Variants in BTAF1 observed in about 807,000 individuals in gnomAD.
BTAF1 encodes the protein TATA-binding protein-associated factor 172.
A neutral mutation model predicts 227.1 loss-of-function variants in BTAF1; 38 were observed. That is an observed-to-expected ratio of 0.17 (90% CI 0.13 to 0.22). The LOEUF is 0.22. Among genes scored for constraint, BTAF1 ranks in the 10% least tolerant of loss-of-function variants. The pLI is 1.00. For synonymous variants in BTAF1, 742 were observed against 751.9 expected, an observed-to-expected ratio of 0.99 and a Z score of 0.21; for missense variants, 1,598 against 2,204.0, an observed-to-expected ratio of 0.73 and a Z score of 5.51.
chr10:91,951,704 C>G (rs1461833160), intron 5 of BTAF1, 138 bp downstream of exon 5: 1 of 880,204 alleles, frequency 1.1e-6, no homozygotes, highest in Non-Finnish European at 1.6e-6. Flanking sequence ...AATTTAGCAT[C>G]TTTTTTTAAC....
intron 19 of BTAF1, among the ~76,000 whole-genome samples, chr10:91,985,266 T>G (rs887333117): frequency 7.9e-5 from 12 of 151,806 alleles, no homozygotes; most frequent in Non-Finnish European, 1.3e-4. Flanking sequence ...GGATTTTTCT[T>G]AGAATGGTAT....
rs537911818 is a variant in BTAF1 at position 91,994,467 on chromosome 10, A to T, written c.3200-68A>T. 2.0e-4 allele frequency: 238 copies of T among 1,218,114 alleles called. 2 individuals carry two copies. Among genetic ancestry groups the T allele is most frequent in the Middle Eastern group, 1.3e-3 (7 of 5,210 alleles). The allele number at this position is 1,218,114 out of a possible 1,614,324, so 75.5% of individuals were successfully genotyped here. A position where few individuals can be genotyped will look rare whatever the true frequency, so the allele number is the denominator to read the frequency against. On this transcript the variant is annotated intron_variant, in intron 22 of 37. Transcript: ENST00000265990. The stretch of plus-strand genomic sequence containing the variant: ...TCCTATGCTAGCTGAAAAAGTGCTA[A>T]AAGTTTTTGTGTGCTCTAGATTTTG...
rs2134201305 is a variant in BTAF1 at position 92,029,792 on chromosome 10, G to A, written c.*859G>A. On this transcript the variant is annotated 3_prime_UTR_variant, in exon 38 of 38. Transcript: ENST00000265990. ...TGGAAAGACTGTTTATTGTAGTAATGCATGGCTGAAGCATAAAAGGGAGAG... is the reference window on the plus strand; with the variant it reads ...TGGAAAGACTGTTTATTGTAGTAATACATGGCTGAAGCATAAAAGGGAGAG... 1 of 152,430 alleles carries A rather than the reference G, an allele frequency of 6.6e-6. No homozygotes were observed. The highest frequency in any genetic ancestry group is 2.1e-4 in the South Asian group (1 of 4,818). The allele number at this position is 152,430 out of a possible 1,614,324, so 9.4% of individuals were successfully genotyped here. A position where few individuals can be genotyped will look rare whatever the true frequency, so the allele number is the denominator to read the frequency against.
chr10:91,932,165 G>T (rs1258421044), intron 1 of BTAF1, among the ~76,000 whole-genome samples: 1 of 152,192 alleles, frequency 6.6e-6, no homozygotes, highest in African/African-American at 2.4e-5. Context: ...GGAGTTCTAA[G>T]TGAAGCTGGG....
intron 25 of BTAF1, among the ~76,000 whole-genome samples, chr10:92,006,264 A>G (rs1171902079): frequency 2.6e-5 from 4 of 152,344 alleles, no homozygotes; most frequent in Admixed American, 6.5e-5. Flanking sequence ...AAAGGGAGCA[A>G]TATTTTGACA....
chr10:92,026,536 G>A, intron 35 of BTAF1, 56 bp from the exon 36 acceptor site: 2 of 1,376,556 alleles, frequency 1.5e-6, no homozygotes, highest in East Asian at 2.4e-5. Flanking sequence ...TTTATTAACA[G>A]TTTCTGTTAT....
chr10:91,945,547 T>C (rs890775587), intron 4 of BTAF1, among the ~76,000 whole-genome samples: 5 of 152,340 alleles, frequency 3.3e-5, no homozygotes, highest in African/African-American at 1.2e-4. Context: ...AGTGTTTGTC[T>C]TCTTGTGATG....
Position 91,966,769 on chromosome 10 carries a change from T to TA in BTAF1, c.1650+14dup, listed in dbSNP as rs770467665. On this transcript the variant is annotated intron_variant, in intron 14 of 37. Transcript: ENST00000265990. Reference sequence around the variant, plus strand: ...CAACACAGGACCAGGTAAGAACTGATAACTATAGCAGTCTTGAAACTTATA... The same window carrying TA: ...CAACACAGGACCAGGTAAGAACTGATAAACTATAGCAGTCTTGAAACTTATA... 284 of 1,611,544 alleles carry TA rather than the reference T, an allele frequency of 1.8e-4. 1 individual carries two copies. The highest frequency in any genetic ancestry group is 2.0e-4 in the Non-Finnish European group (231 of 1,178,794).
At position 91,951,510 on chromosome 10, in the gene BTAF1, A is replaced by G. The variant is rs1382415512; in HGVS notation, c.508A>G (p.Asn170Asp). The change falls in exon 5 of 38, where the codon AAT (asparagine) becomes GAT (aspartate). Residue 170 changes from asparagine to aspartate, a missense_variant. Physicochemically the swap from Asn to Asp is conservative, Grantham distance 23 (BLOSUM62 1). Around this residue, in one of 10 missense-constraint regions of BTAF1, gnomAD observed 298 missense variants for 395.2 expected, o/e 0.75. Transcript: ENST00000265990. ...AIGMSTEELF[N>D]DEDLDYTPTS... ...TGGAATGAGTACTGAAGAACTTTTC[A>G]ATGATGAGGATTTGGATTATACCCC... 1 of 1,611,568 alleles carries G rather than the reference A, an allele frequency of 6.2e-7. No individual in the cohort carries two copies. The highest frequency in any genetic ancestry group is 8.5e-7 in the Non-Finnish European group (1 of 1,179,150).
At chr10:91,991,797 GTATA>G (rs1166615338) in intron 20 of BTAF1, among the ~76,000 whole-genome samples, 14 of 10,008 alleles carry the variant, frequency 1.4e-3, no homozygotes, top group African/African-American at 2.6e-3. Context: ...GTGTGTGTGT[GTATA>G]TATATATATA....
intron 1 of BTAF1, among the ~76,000 whole-genome samples, chr10:91,931,580 C>G (rs1589737939): frequency 6.6e-6 from 1 of 152,190 alleles, no homozygotes; most frequent in Admixed American, 6.5e-5. Context: ...TTCTGACCAT[C>G]TAGCTTCCTT....
At position 92,026,675 on chromosome 10, in the gene BTAF1, C is replaced by T; in HGVS notation, c.5159C>T (p.Thr1720Ile). The T allele has an allele frequency of 6.2e-7, 1 of 1,613,964 alleles. No individual in the cohort carries two copies. ...GGACTTAATTTGACAGGCGCTGACA[C>T]AGTAGTATTTGTGGAGCATGACTGG... ...GLGLNLTGAD[T>I]VVFVEHDWNP... The change falls in exon 36 of 38, where the codon ACA becomes ATA. Residue 1720 changes from threonine (T) to isoleucine (I), a missense_variant. Transcript: ENST00000265990.
intron 22 of BTAF1, 123 bp downstream of exon 22, chr10:91,993,970 T>C: frequency 4.2e-6 from 3 of 718,034 alleles, no homozygotes; most frequent in Non-Finnish European, 6.0e-6. Context: ...AGCTGGTAAG[T>C]TTTAAAATGG....
intron 33 of BTAF1, 148 bp from the exon 34 acceptor site, chr10:92,018,635 C>A: frequency 1.6e-6 from 1 of 629,090 alleles, no homozygotes; most frequent in South Asian, 3.7e-5. Flanking sequence ...TGAACTGGTT[C>A]TTGAAGAATG....
intron 37 of BTAF1, among the ~76,000 whole-genome samples, 185 bp from the exon 38 acceptor site, chr10:92,028,605 G>A (rs1281411583): frequency 6.6e-6 from 1 of 151,990 alleles, no homozygotes; most frequent in Non-Finnish European, 1.5e-5. Flanking sequence ...CCATAATTTT[G>A]AAGTTCTTTC....
chr10:92,021,751 A>G lies in BTAF1; in HGVS notation c.4863+2816A>G, dbSNP rs1236825440. Among the ~76,000 whole-genome samples the G allele has an allele frequency of 3.3e-5, 5 of 151,836 alleles. No homozygotes were observed. In the East Asian group the frequency reaches 5.8e-4, roughly 18 times the overall value. The stretch of plus-strand genomic sequence containing the variant: ...AGTAGAGACAGGGTTTCACCGTGTT[A>G]GCCAGGATGGTCTCGCTCTCCTGAC... On this transcript the variant is annotated intron_variant, in intron 34 of 37. Coordinates refer to ENST00000265990, the MANE Select transcript of BTAF1 (RefSeq NM_003972.3).
intron 16 of BTAF1, 74 bp from the exon 17 acceptor site, chr10:91,982,008 AT>A (rs1182023571): frequency 1.3e-6 from 2 of 1,484,062 alleles, no homozygotes; most frequent in Non-Finnish European, 1.8e-6. Context: ...TATTTTAAAA[AT>A]ATCATATTTT....
chr10:91,984,433 G>A (rs1254489498), intron 19 of BTAF1, 29 bp downstream of exon 19: 2 of 1,541,996 alleles, frequency 1.3e-6, no homozygotes, highest in Middle Eastern at 2.3e-4. Flanking sequence ...TTCTTAATTA[G>A]AGATAGAACA....
At chr10:91,938,786 T>G (rs780930840) in intron 2 of BTAF1, among the ~76,000 whole-genome samples, 14 of 152,282 alleles carry the variant, frequency 9.2e-5, no homozygotes, top group Non-Finnish European at 1.9e-4. Context: ...AGTTTGAGGC[T>G]GCAGTGTGCT....
Sources: gnomAD v4.1 joint callset for allele counts (sites outside exome capture counted in the v4.1 genomes callset) on GRCh38, gnomAD v4.1.1 for gene constraint, gnomAD v4.1.1 regional missense constraint, MANE v1.5 for transcripts, NCBI Gene and HGNC (gene_info 2026-07-23, HGNC 2026-07-21) for gene names.